PIGG: variants seen among roughly 807,000 people sequenced by gnomAD.
PIGG encodes GPI ethanolamine phosphate transferase 2, catalytic subunit.
PIGG carries 70 observed loss-of-function variants against 83.2 expected under a neutral mutation model. That is an observed-to-expected ratio of 0.84 (90% CI 0.69 to 1.03). The LOEUF (loss-of-function observed/expected upper bound fraction) is 1.03. Among genes scored for constraint, PIGG ranks in the 50% least tolerant of loss-of-function variants. PIGG has a pLI of 0.00. For missense variants in PIGG, 1,257 were observed against 1,233.6 expected (o/e 1.02, Z -0.28); for synonymous variants, 532 against 519.5 (o/e 1.02, Z -0.33).
At chr4:508,396 C>T (rs1720611677) in intron 4 of PIGG, among the ~76,000 whole-genome samples, 1 of 152,256 alleles carries the variant, frequency 6.6e-6, no homozygotes, top group Non-Finnish European at 1.5e-5. Flanking sequence ...ACCCCAGGGG[C>T]AGAGAAGCCT....
chr4:508,836 A>T lies in PIGG; in HGVS notation c.767A>T (p.Glu256Val). The T allele has an allele frequency of 6.2e-7, 1 of 1,613,978 alleles. No individual in the cohort carries two copies. The highest frequency in any genetic ancestry group is 8.5e-7 in the Non-Finnish European group (1 of 1,179,882). ...IHTSLQSKER[E>V]TPLPNLLVLC... ...TTTTCCTTTGCCTTAAAGGAGAGAG[A>T]GACGCCTTTACCCAATTTGCTGGTT... The change falls in exon 5 of 13, where the codon GAG (glutamate) becomes GTG (valine). Residue 256 changes from glutamate to valine, a missense_variant. By Grantham distance (121) the Glu-to-Val change is moderately radical (BLOSUM62 -2). Coordinates refer to ENST00000453061, the MANE Select transcript of PIGG (RefSeq NM_001127178.3).
At position 507,587 on chromosome 4, in the gene PIGG, G is replaced by C; in HGVS notation, c.753G>C (p.Gln251His). The C allele has an allele frequency of 6.2e-7, 1 of 1,610,016 alleles. No individual in the cohort carries two copies. The highest frequency in any genetic ancestry group is 1.3e-5 in the African/African-American group (1 of 74,926). Reference protein sequence around the residue: ...SVLMKIHTSLQSKERETPLPN... With the variant: ...SVLMKIHTSLHSKERETPLPN... The stretch of plus-strand genomic sequence containing the variant: ...TGATGAAGATCCACACCTCACTGCA[G>C]TCGAAGGTGAGGCTCGCCGTCGCTC... Residue 251 changes from glutamine (Q) to histidine (H), a missense_variant, in exon 4 of 13, where the codon CAG (glutamine) becomes CAC (histidine). Coordinates refer to ENST00000453061, the MANE Select transcript of PIGG (RefSeq NM_001127178.3).
intron 6 of PIGG, among the ~76,000 whole-genome samples, chr4:516,854 C>CA (rs1178401194): frequency 0.097 from 4,398 of 45,132 alleles, 209 homozygotes; most frequent in African/African-American, 0.14. Flanking sequence ...GACTCTGCCT[C>CA]AAAAAAAAAA....
intron 5 of PIGG, among the ~76,000 whole-genome samples, chr4:509,549 C>T (rs1032627906): frequency 3.4e-4 from 52 of 152,224 alleles, no homozygotes; most frequent in African/African-American, 1.3e-3. Flanking sequence ...CTGCCACACT[C>T]GCTGCCTCAC....
intron 11 of PIGG, chr4:531,270 A>G (rs73794936): frequency 1.1e-3 from 190 of 168,340 alleles, no homozygotes; most frequent in African/African-American, 4.4e-3. Flanking sequence ...ATCCAGCCTC[A>G]TCCAGCCTCC....
chr4:534,099 C>T, intron 12 of PIGG, 118 bp downstream of exon 12: 1 of 855,026 alleles, frequency 1.2e-6, no homozygotes, highest in Admixed American at 2.6e-5. Context: ...GTCTTTTCAA[C>T]AGTTTTCTTT....
intron 6 of PIGG, among the ~76,000 whole-genome samples, chr4:517,577 G>T (rs771549319): frequency 6.6e-6 from 1 of 152,128 alleles, no homozygotes; most frequent in Non-Finnish European, 1.5e-5. Flanking sequence ...TCAAAGGTTG[G>T]TATTGAATAA....
chr4:523,566 G>A lies in PIGG; in HGVS notation c.1722G>A (p.Glu574=), dbSNP rs1726671758. ...GCGCCAGCAGCTTCGTGGAGGAGGA[G>A]CACCAGACCTGGTACTTCCTTGTGA... is the stretch of plus-strand genomic sequence containing the variant. ...SLGASSFVEE[E]HQTWYFLVNT... The change falls in exon 9 of 13, where the codon GAG becomes GAA. Residue 574 remains glutamate (E), a synonymous_variant. Transcript: ENST00000453061. 1 of 1,614,006 alleles carries A rather than the reference G, an allele frequency of 6.2e-7. No homozygotes were observed. The highest frequency in any genetic ancestry group is 1.3e-5 in the African/African-American group (1 of 74,930).
chr4:526,717 CTT>C (rs34114111), intron 9 of PIGG, among the ~76,000 whole-genome samples: 3,560 of 137,488 alleles, frequency 0.026, 128 homozygotes, highest in African/African-American at 0.088. Context: ...AGTTAACTGT[CTT>C]TTTTTTTTTT....
chr4:519,931 C>A (rs113977137), intron 6 of PIGG, among the ~76,000 whole-genome samples: 1 of 141,460 alleles, frequency 7.1e-6, no homozygotes. Context: ...GGCCTGCAGG[C>A]GTGTGGGTTC....
In PIGG at chr4:536,509, C is replaced by T. The variant is rs1319342907; in HGVS notation, c.2735+2528C>T. Among the ~76,000 whole-genome samples the T allele has an allele frequency of 3.3e-5, 5 of 152,246 alleles. No individual in the cohort carries two copies. The East Asian group carries it at 5.8e-4, about 18-fold the overall frequency. On this transcript the variant is annotated intron_variant, in intron 12 of 12. Coordinates refer to ENST00000453061, the MANE Select transcript of PIGG (RefSeq NM_001127178.3). The stretch of plus-strand genomic sequence containing the variant: ...CCAGCTTGGGAGACACCCACTGTGG[C>T]GGCGCTGTGTGGAGACGTCCTTCCA...
At chr4:529,961 C>T (rs1387348294) in intron 10 of PIGG, among the ~76,000 whole-genome samples, 3 of 152,196 alleles carry the variant, frequency 2.0e-5, no homozygotes, top group Non-Finnish European at 4.4e-5. Flanking sequence ...TGCTTATTTA[C>T]CTATAACTGC....
chr4:521,204 G>T lies in PIGG; in HGVS notation c.1263G>T (p.Leu421Phe). ...TGGATGCTCTGAAGACGCTGAGCTTGTCCCTGAGTGCACAAGTGGCCCAGT... is the reference window on the plus strand; with the variant it reads ...TGGATGCTCTGAAGACGCTGAGCTTTTCCCTGAGTGCACAAGTGGCCCAGT... ...QYLDALKTLSLSLSAQVAQYD... is the reference protein window; with the variant it reads ...QYLDALKTLSFSLSAQVAQYD... Residue 421 changes from leucine (L) to phenylalanine (F), a missense_variant, in exon 7 of 13, where the codon TTG becomes TTT. Leu to Phe is a conservative substitution (Grantham distance 22, BLOSUM62 0). Coordinates refer to ENST00000453061, the MANE Select transcript of PIGG (RefSeq NM_001127178.3). 3.1e-6 allele frequency: 5 copies of T among 1,614,206 alleles called. No homozygotes were observed. In the South Asian group the frequency reaches 5.5e-5, roughly 18 times the overall value.
Position 528,374 on chromosome 4 carries a change from A to T in PIGG, c.2261+1144A>T. Reference sequence around the variant, plus strand: ...TAGAGTTAATAAGTGTTGCTTTTCTAATCACAGCAAGTCAAGGTGACTGCT... The same window carrying T: ...TAGAGTTAATAAGTGTTGCTTTTCTTATCACAGCAAGTCAAGGTGACTGCT... On this transcript the variant is annotated intron_variant, in intron 10 of 12. Coordinates refer to ENST00000453061, the MANE Select transcript of PIGG (RefSeq NM_001127178.3). The surrounding 1 kb of genome is among the most constrained non-coding windows in gnomAD (Gnocchi z 4.8). 1.0e-6 allele frequency: 1 copy of T among 985,328 alleles called. No individual in the cohort carries two copies. Among genetic ancestry groups the T allele is most frequent in the Non-Finnish European group, 1.2e-6 (1 of 829,862 alleles). The allele number at this position is 985,328 out of a possible 1,614,324, so 61.0% of individuals were successfully genotyped here.
rs2108746700 is a variant in PIGG, at chr4:500,380, T to C, written c.155-16T>C. Reference sequence around the variant, plus strand: ...GTTTAGAGTTCAATTTCCTTTTTTTTCTTTCAAACACTTAGGAGCCAGTTC... The same window carrying C: ...GTTTAGAGTTCAATTTCCTTTTTTTCCTTTCAAACACTTAGGAGCCAGTTC... On this transcript the variant is annotated splice_polypyrimidine_tract_variant and intron_variant, in intron 1 of 12. Coordinates refer to ENST00000453061, the MANE Select transcript of PIGG (RefSeq NM_001127178.3). The C allele has an allele frequency of 6.2e-7, 1 of 1,600,328 alleles. No individual in the cohort carries two copies. Among genetic ancestry groups the C allele is most frequent in the African/African-American group, 1.3e-5 (1 of 74,512 alleles).
intron 2 of PIGG, among the ~76,000 whole-genome samples, chr4:503,845 TACACACAC>T (rs56841358): frequency 0.017 from 2,464 of 145,710 alleles, 29 homozygotes; most frequent in African/African-American, 0.026. Context: ...TGTGATTTTA[TACACACAC>T]ACACACACAC....
At chr4:508,387 C>T (rs1368315025) in intron 4 of PIGG, among the ~76,000 whole-genome samples, 5 of 152,234 alleles carry the variant, frequency 3.3e-5, no homozygotes, top group Non-Finnish European at 7.3e-5. Context: ...GTGGCTGCAA[C>T]CCCAGGGGCA....
intron 6 of PIGG, 141 bp downstream of exon 6, chr4:516,326 T>G (rs111530040): frequency 2.0e-4 from 128 of 629,756 alleles, no homozygotes; most frequent in African/African-American, 2.0e-3. Context: ...AGATTGTGTT[T>G]CTGTTTTCTT....
chr4:513,736 C>T (rs1294165602), intron 5 of PIGG, among the ~76,000 whole-genome samples: 2 of 152,178 alleles, frequency 1.3e-5, no homozygotes, highest in Non-Finnish European at 2.9e-5. Context: ...AGTGCTGGAA[C>T]TTCTTTCATG....
Sources: allele counts gnomAD v4.1 joint callset (sites outside exome capture counted in the v4.1 genomes callset), GRCh38; gene constraint gnomAD v4.1.1; non-coding constraint Gnocchi (gnomAD v3.1); transcripts MANE v1.5; gene names NCBI Gene and HGNC (gene_info 2026-07-23, HGNC 2026-07-21).